The following RANBP2 variants were observed in gnomAD, a reference collection of about 807,000 sequenced individuals.
The protein encoded by RANBP2 is RAN binding protein 2, also known as E3 SUMO-protein ligase RanBP2.
Under a neutral mutation model 303.6 loss-of-function variants are expected in RANBP2, and 57 were observed. The observed-to-expected ratio is 0.19, with a 90% CI of 0.15 to 0.23. The LOEUF (loss-of-function observed/expected upper bound fraction) is 0.23, where lower values mean the gene tolerates loss of function less well. Ranked by LOEUF, RANBP2 falls within the 10% of genes least tolerant of loss-of-function variation. The pLI, the probability that RANBP2 is intolerant of heterozygous loss-of-function variation, is 1.00. For missense variants in RANBP2, 3,138 were observed against 3,780.8 expected, an observed-to-expected ratio of 0.83 and a Z score of 4.46; for synonymous variants, 1,167 against 1,301.5, an observed-to-expected ratio of 0.90 and a Z score of 2.23.
the RANBP2 span, among the ~76,000 whole-genome samples, chr2:109,423,878 G>A: frequency 6.6e-6 from 1 of 152,230 alleles, no homozygotes; most frequent in Non-Finnish European, 1.5e-5. Context: ...TCTAGAGAGG[G>A]CACAGCTGGG....
At chr2:109,033,368 C>T in the RANBP2 span, among the ~76,000 whole-genome samples, 25 of 152,120 alleles carry the variant, frequency 1.6e-4, no homozygotes, top group African/African-American at 5.3e-4. Context: ...GGTGGTGTTG[C>T]CGAAACACCC....
intron 1 of RANBP2, among the ~76,000 whole-genome samples, chr2:108,728,057 G>A (rs1026239273): frequency 1.3e-5 from 2 of 152,136 alleles, no homozygotes; most frequent in African/African-American, 4.8e-5. Flanking sequence ...AACAGTACAT[G>A]GACCAGGGAA....
the RANBP2 span, among the ~76,000 whole-genome samples, chr2:108,982,605 G>A: frequency 2.0e-4 from 30 of 152,268 alleles, no homozygotes; most frequent in East Asian, 3.1e-3. Context: ...CATTTCCCTC[G>A]CACATGCCAG....
At chr2:109,436,537 G>A in the RANBP2 span, among the ~76,000 whole-genome samples, 43 of 152,330 alleles carry the variant, frequency 2.8e-4, no homozygotes, top group African/African-American at 9.6e-4. Context: ...AAGGCCTCGC[G>A]GGACATGACT....
the RANBP2 span, among the ~76,000 whole-genome samples, chr2:109,112,609 T>C: frequency 7.1e-4 from 107 of 151,478 alleles, no homozygotes; most frequent in Non-Finnish European, 1.3e-3. Flanking sequence ...TGGTAGTTTC[T>C]TTTGCTGTGC....
the RANBP2 span, among the ~76,000 whole-genome samples, chr2:109,590,073 CATATATATGTATATATATACACACAT>C: frequency 6.8e-6 from 1 of 146,794 alleles, no homozygotes; most frequent in Non-Finnish European, 1.5e-5. Flanking sequence ...TATACACACA[CATATATATGTATATATATACACACAT>C]ATATATGTAT....
chr2:109,673,868 A>G, the RANBP2 span, among the ~76,000 whole-genome samples: 9 of 152,180 alleles, frequency 5.9e-5, no homozygotes, highest in South Asian at 1.9e-3. Context: ...TATATTTGAT[A>G]TTTTCAGGTT....
chr2:108,725,754 A>G (rs1214849814), intron 1 of RANBP2, among the ~76,000 whole-genome samples: 2 of 151,146 alleles, frequency 1.3e-5, no homozygotes, highest in Non-Finnish European at 2.9e-5. Context: ...AGGGGGGAAC[A>G]AGCCTTGTTC....
the RANBP2 span, among the ~76,000 whole-genome samples, chr2:109,704,422 C>T: frequency 2.6e-5 from 4 of 152,132 alleles, no homozygotes; most frequent in Admixed American, 1.3e-4. Context: ...TGGTGGCACG[C>T]GCCTATGGTC....
At chr2:109,335,907 A>G in the RANBP2 span, among the ~76,000 whole-genome samples, 1 of 152,244 alleles carries the variant, frequency 6.6e-6, no homozygotes, top group Non-Finnish European at 1.5e-5. Flanking sequence ...TGTATTTATG[A>G]ATGAAGCAGC....
the RANBP2 span, among the ~76,000 whole-genome samples, chr2:109,463,015 T>A: frequency 6.6e-6 from 1 of 152,222 alleles, no homozygotes; most frequent in Non-Finnish European, 1.5e-5. Context: ...GGAGAAAGAT[T>A]AACAGTGTAA....
chr2:109,021,224 G>T, the RANBP2 span, among the ~76,000 whole-genome samples: 1 of 152,150 alleles, frequency 6.6e-6, no homozygotes, highest in Non-Finnish European at 1.5e-5. Flanking sequence ...GGGTCTGTGT[G>T]AAAAGTGCTG....
At chr2:109,392,427 G>T in the RANBP2 span, among the ~76,000 whole-genome samples, 13 of 152,144 alleles carry the variant, frequency 8.5e-5, no homozygotes, top group African/African-American at 2.9e-4. Context: ...CTGTCACCTC[G>T]TGGTGGATAT....
the RANBP2 span, among the ~76,000 whole-genome samples, chr2:109,365,258 A>G: frequency 2.6e-5 from 4 of 152,286 alleles, no homozygotes; most frequent in South Asian, 8.3e-4. Flanking sequence ...TTGAGGCACA[A>G]TTCACAAAGG....
chr2:108,762,908 ATT>A (rs1168408217), intron 19 of RANBP2, among the ~76,000 whole-genome samples: 1 of 152,098 alleles, frequency 6.6e-6, no homozygotes, highest in Non-Finnish European at 1.5e-5. Flanking sequence ...GCTATACATA[ATT>A]TTCATTATAT....
chr2:108,865,977 T>C, the RANBP2 span, among the ~76,000 whole-genome samples: 1 of 152,132 alleles, frequency 6.6e-6, no homozygotes, highest in African/African-American at 2.4e-5. Flanking sequence ...CTCTTTCTCT[T>C]CCTGGGGAGA....
At chr2:108,906,241 C>T in the RANBP2 span, 2 of 1,571,352 alleles carry the variant, frequency 1.3e-6, no homozygotes, top group Non-Finnish European at 1.8e-6. Context: ...AGCCTCAGGG[C>T]TCCGGGCCCA....
At chr2:108,749,252 G>A (rs1216517599) in intron 9 of RANBP2, 123 bp downstream of exon 9, 1 of 1,512,132 alleles carries the variant, frequency 6.6e-7, no homozygotes, top group Non-Finnish European at 9.1e-7. Context: ...GGGTTGGGCT[G>A]GGGGGAGTTT....
chr2:108,823,369 A>G, the RANBP2 span, among the ~76,000 whole-genome samples: 1 of 152,252 alleles, frequency 6.6e-6, no homozygotes, highest in African/African-American at 2.4e-5. Context: ...ATAAATATTG[A>G]TGCAAAAATC....
Sources: gnomAD v4.1 joint callset for allele counts (sites outside exome capture counted in the v4.1 genomes callset) on GRCh38, gnomAD v4.1.1 for gene constraint, MANE v1.5 for transcripts, NCBI Gene and HGNC (gene_info 2026-07-23, HGNC 2026-07-21) for gene names.